SBF2: variants seen among roughly 807,000 people sequenced by gnomAD.
The protein encoded by SBF2 is SET binding factor 2.
Under a neutral mutation model 225.2 loss-of-function variants are expected in SBF2, and 112 were observed. That is an observed-to-expected ratio of 0.50 (90% CI 0.43 to 0.58). The LOEUF (loss-of-function observed/expected upper bound fraction) is 0.58, where lower values mean the gene tolerates loss of function less well. Ranked by LOEUF, SBF2 falls within the 20% of genes least tolerant of loss-of-function variation. The probability of loss-of-function intolerance (pLI) is 0.00; values close to 1 mark genes in which losing one functional copy is unlikely to be tolerated. For synonymous variants in SBF2, 763 were observed against 773.3 expected (o/e 0.99, Z 0.22); for missense variants, 1,996 against 2,206.2 (o/e 0.90, Z 1.91).
intron 2 of SBF2, among the ~76,000 whole-genome samples, chr11:10,084,321 G>C (rs1951474218): frequency 6.6e-6 from 1 of 151,704 alleles, no homozygotes; most frequent in South Asian, 2.1e-4. Context: ...AAAAAGCATA[G>C]GAAAAAATGC....
chr11:9,792,417 G>A (rs2133865177), intron 33 of SBF2, among the ~76,000 whole-genome samples: 1 of 150,048 alleles, frequency 6.7e-6, no homozygotes, highest in African/African-American at 2.5e-5. Flanking sequence ...GCGACAGTGT[G>A]AGACTCCATC....
intron 2 of SBF2, among the ~76,000 whole-genome samples, chr11:10,102,187 T>C (rs1358520327): frequency 6.6e-6 from 1 of 152,242 alleles, no homozygotes; most frequent in African/African-American, 2.4e-5. Context: ...CTTCTTTGAC[T>C]TTTGAAAATT....
At chr11:10,181,672 C>G (rs1472620300) in intron 2 of SBF2, among the ~76,000 whole-genome samples, 3 of 152,062 alleles carry the variant, frequency 2.0e-5, no homozygotes, top group Non-Finnish European at 4.4e-5. Context: ...GGACACATCT[C>G]AATTCAATGC....
intron 13 of SBF2, among the ~76,000 whole-genome samples, chr11:9,976,479 C>A (rs1027313288): frequency 4.6e-5 from 7 of 152,078 alleles, no homozygotes; most frequent in Non-Finnish European, 1.0e-4. Flanking sequence ...TGTCTGTAGT[C>A]CCAGCTACTT....
chr11:10,151,911 A>G (rs571398462), intron 2 of SBF2, among the ~76,000 whole-genome samples: 2 of 152,350 alleles, frequency 1.3e-5, no homozygotes, highest in South Asian at 4.1e-4. Context: ...CATCTTCACT[A>G]AACGTTCAGG....
chr11:10,250,066 G>C (rs1350559785), intron 1 of SBF2, among the ~76,000 whole-genome samples: 1 of 152,014 alleles, frequency 6.6e-6, no homozygotes, highest in Non-Finnish European at 1.5e-5. Flanking sequence ...ATACGTCTGA[G>C]TATATGCTAC....
At chr11:10,081,979 T>A (rs765936067) in intron 2 of SBF2, among the ~76,000 whole-genome samples, 1 of 151,806 alleles carries the variant, frequency 6.6e-6, no homozygotes, top group African/African-American at 2.4e-5. Flanking sequence ...ACAAAATTGA[T>A]AGAACACTTG....
At chr11:9,883,291 A>G (rs75567120) in intron 17 of SBF2, among the ~76,000 whole-genome samples, 18 of 123,440 alleles carry the variant, frequency 1.5e-4, no homozygotes, top group African/African-American at 5.0e-4. Flanking sequence ...TGCTGTGTGG[A>G]AAAAAAAAAC....
intron 16 of SBF2, among the ~76,000 whole-genome samples, chr11:9,899,165 C>A (rs1262805891): frequency 5.3e-5 from 8 of 151,732 alleles, no homozygotes; most frequent in Non-Finnish European, 1.2e-4. Context: ...AAGGCCCTGA[C>A]TATAAATCTT....
In SBF2 at chr11:10,035,138, CT is replaced by C. The variant is rs796529238; in HGVS notation, c.280-3969del. Among the ~76,000 whole-genome samples the C allele has an allele frequency of 1.9e-4, 29 of 151,116 alleles. No individual in the cohort carries two copies. The East Asian group carries it at 1.9e-3, about 10-fold the overall frequency. On this transcript the variant is annotated intron_variant, in intron 3 of 39. Coordinates refer to ENST00000256190, the MANE Select transcript of SBF2 (RefSeq NM_030962.4). ...CGCCACCACGCCTGGCTAATTTTTT[CT>C]TTTTTTTTGTATTTTTAGTAGAGAT...
chr11:10,120,151 CT>C, intron 2 of SBF2, among the ~76,000 whole-genome samples: 1 of 152,278 alleles, frequency 6.6e-6, no homozygotes, highest in East Asian at 1.9e-4. Context: ...AGTTTGACTA[CT>C]TTAGAGACCT....
intron 6 of SBF2, among the ~76,000 whole-genome samples, chr11:10,010,944 G>C (rs1311419527): frequency 5.9e-5 from 9 of 152,052 alleles, no homozygotes; most frequent in African/African-American, 9.7e-5. Context: ...TCCTTGAAGA[G>C]GTCCTTCACA....
At chr11:10,183,572 T>C (rs1785445020) in intron 2 of SBF2, among the ~76,000 whole-genome samples, 1 of 152,244 alleles carries the variant, frequency 6.6e-6, no homozygotes, top group Admixed American at 6.5e-5. Flanking sequence ...CTATGATCCA[T>C]TTCAAGTTAC....
At chr11:9,784,680 G>A (rs1252913430) in intron 37 of SBF2, among the ~76,000 whole-genome samples, 1 of 152,168 alleles carries the variant, frequency 6.6e-6, no homozygotes. Flanking sequence ...TGCCATGTTG[G>A]GACTGACATA....
intron 16 of SBF2, among the ~76,000 whole-genome samples, chr11:9,915,133 T>C (rs989789668): frequency 6.6e-6 from 1 of 152,124 alleles, no homozygotes; most frequent in African/African-American, 2.4e-5. Context: ...TGTTTCATTA[T>C]GGAAGCCAAG....
At chr11:10,018,174 C>A (rs1948719484) in intron 6 of SBF2, among the ~76,000 whole-genome samples, 1 of 152,118 alleles carries the variant, frequency 6.6e-6, no homozygotes. Context: ...CTTTCTTTTC[C>A]CCTTTCTTCC....
chr11:10,150,556 A>G (rs1443340645), intron 2 of SBF2, among the ~76,000 whole-genome samples: 2 of 152,156 alleles, frequency 1.3e-5, no homozygotes, highest in Non-Finnish European at 2.9e-5. Context: ...TATTTCAAAG[A>G]AAAAAATTGT....
chr11:10,012,135 G>C (rs144341298), intron 6 of SBF2, among the ~76,000 whole-genome samples: 1 of 152,080 alleles, frequency 6.6e-6, no homozygotes, highest in African/African-American at 2.4e-5. Flanking sequence ...AGCTCAGCTA[G>C]TGAATTTTTT....
chr11:10,261,185 C>A (rs370966770), intron 1 of SBF2, among the ~76,000 whole-genome samples: 5 of 152,092 alleles, frequency 3.3e-5, no homozygotes, highest in Admixed American at 6.6e-5. Flanking sequence ...TATAGAGTAA[C>A]TGAAATTCTC....
Sources: allele counts gnomAD v4.1 joint callset (sites outside exome capture counted in the v4.1 genomes callset), GRCh38; gene constraint gnomAD v4.1.1; transcripts MANE v1.5; gene names NCBI Gene and HGNC (gene_info 2026-07-23, HGNC 2026-07-21).